Variants in RBFOX1 observed in about 807,000 individuals in gnomAD.
RBFOX1 encodes the protein RNA binding protein fox-1 homolog 1.
A neutral mutation model predicts 57.7 loss-of-function variants in RBFOX1; 8 were observed. The ratio of observed to expected loss-of-function variants is 0.14; its 90% CI spans 0.08 to 0.25. The LOEUF (loss-of-function observed/expected upper bound fraction) is 0.25, where lower values mean the gene tolerates loss of function less well. Among genes scored for constraint, RBFOX1 ranks in the 10% least tolerant of loss-of-function variants. The probability of loss-of-function intolerance (pLI) is 1.00; values close to 1 mark genes in which losing one functional copy is unlikely to be tolerated. For synonymous variants in RBFOX1, 326 were observed against 222.4 expected, an observed-to-expected ratio of 1.47 and a Z score of -4.15; for missense variants, 611 against 548.5, an observed-to-expected ratio of 1.11 and a Z score of -1.14.
chr16:7,249,585 C>T (rs1208445182), intron 4 of RBFOX1, among the ~76,000 whole-genome samples: 1 of 145,514 alleles, frequency 6.9e-6, no homozygotes, highest in Non-Finnish European at 1.5e-5. Flanking sequence ...TTTCCTTCTT[C>T]ATAGGCTTCT....
chr16:6,381,613 C>G (rs1239681092), intron 2 of RBFOX1, among the ~76,000 whole-genome samples: 1 of 152,188 alleles, frequency 6.6e-6, no homozygotes, highest in African/African-American at 2.4e-5. Flanking sequence ...TGGATGTCAA[C>G]TATCTTCTTG....
intron 1 of RBFOX1, among the ~76,000 whole-genome samples, chr16:6,194,065 T>C (rs2097164457): frequency 6.6e-6 from 1 of 152,196 alleles, no homozygotes; most frequent in South Asian, 2.1e-4. Context: ...TGTGTCTTCC[T>C]GGAACTCACA....
intron 4 of RBFOX1, among the ~76,000 whole-genome samples, chr16:7,186,838 A>G (rs974369372): frequency 2.0e-5 from 3 of 151,188 alleles, no homozygotes; most frequent in African/African-American, 4.9e-5. Context: ...GTTTTGAACA[A>G]TATTCTTTAT....
intron 1 of RBFOX1, among the ~76,000 whole-genome samples, chr16:5,338,583 T>A (rs995751236): frequency 1.3e-5 from 2 of 152,224 alleles, no homozygotes; most frequent in African/African-American, 4.8e-5. Flanking sequence ...ATACATTTAT[T>A]ATTAAGGAAA....
intron 1 of RBFOX1, among the ~76,000 whole-genome samples, chr16:5,246,171 GAC>G (rs958198337): frequency 2.6e-5 from 4 of 152,216 alleles, no homozygotes; most frequent in African/African-American, 9.6e-5. Flanking sequence ...GAACCTGGGA[GAC>G]AGAGGTTGCA....
At chr16:6,511,303 G>T (rs893360162) in intron 2 of RBFOX1, among the ~76,000 whole-genome samples, 1 of 152,150 alleles carries the variant, frequency 6.6e-6, no homozygotes, top group Non-Finnish European at 1.5e-5. Flanking sequence ...GTTCACTTTG[G>T]CTTGACACAT....
At chr16:7,277,512 C>A (rs566806239) in intron 4 of RBFOX1, among the ~76,000 whole-genome samples, 2 of 152,084 alleles carry the variant, frequency 1.3e-5, no homozygotes, top group African/African-American at 4.8e-5. Flanking sequence ...GTTAGTGTAG[C>A]TAGTGGTAAT....
chr16:6,984,847 G>A (rs1469177926), intron 3 of RBFOX1, among the ~76,000 whole-genome samples: 1 of 151,930 alleles, frequency 6.6e-6, no homozygotes, highest in East Asian at 1.9e-4. Flanking sequence ...CACCATATTG[G>A]TCAGGCTGGT....
intron 1 of RBFOX1, among the ~76,000 whole-genome samples, chr16:5,295,560 T>A (rs1024647385): frequency 6.6e-6 from 1 of 152,138 alleles, no homozygotes; most frequent in Non-Finnish European, 1.5e-5. Flanking sequence ...AGCATTCAGT[T>A]CCTTGCAGGC....
At chr16:7,664,772 C>T (rs1418688092) in intron 12 of RBFOX1, 157 bp from the exon 13 acceptor site, 15 of 1,335,266 alleles carry the variant, frequency 1.1e-5, no homozygotes, top group African/African-American at 2.9e-5. Context: ...GCTCAACTGC[C>T]GTTGTCTCCA....
chr16:5,822,989 G>A (rs929341329), intron 3 of RBFOX1, among the ~76,000 whole-genome samples: 2 of 152,234 alleles, frequency 1.3e-5, no homozygotes, highest in Non-Finnish European at 2.9e-5. Context: ...AGGGCACCAA[G>A]CTGTAGGAAC....
intron 4 of RBFOX1, among the ~76,000 whole-genome samples, chr16:7,189,255 C>G (rs1234872379): frequency 2.0e-5 from 3 of 151,688 alleles, no homozygotes; most frequent in Admixed American, 1.3e-4. Flanking sequence ...GAAACCCCAT[C>G]TCTACTAAAA....
At chr16:6,363,652 T>G (rs1036798066) in intron 2 of RBFOX1, among the ~76,000 whole-genome samples, 1 of 152,216 alleles carries the variant, frequency 6.6e-6, no homozygotes, top group Non-Finnish European at 1.5e-5. Flanking sequence ...TAAATACCAT[T>G]TTTTAAAGTT....
At chr16:5,339,661 T>C (rs991741848) in intron 1 of RBFOX1, among the ~76,000 whole-genome samples, 1 of 151,754 alleles carries the variant, frequency 6.6e-6, no homozygotes, top group Non-Finnish European at 1.5e-5. Context: ...GTATTTTTAG[T>C]AGAGATGGAG....
At chr16:7,273,103 C>A (rs538863756) in intron 4 of RBFOX1, among the ~76,000 whole-genome samples, 1 of 120,556 alleles carries the variant, frequency 8.3e-6, no homozygotes, top group African/African-American at 3.3e-5. Context: ...CCCTCCCTTT[C>A]CTCCTTCCCT....
intron 4 of RBFOX1, chr16:7,126,231 C>G (rs1054262683): frequency 5.0e-6 from 1 of 200,734 alleles, no homozygotes; most frequent in South Asian, 9.1e-5. Context: ...ATATTAAGTA[C>G]AATTTCCATT....
At chr16:7,504,767 ATATT>A (rs1477471592) in intron 4 of RBFOX1, among the ~76,000 whole-genome samples, 1 of 11,348 alleles carries the variant, frequency 8.8e-5, no homozygotes, top group East Asian at 8.5e-4. Flanking sequence ...ATATATATAT[ATATT>A]TATATATATA....
At chr16:5,648,395 G>A (rs545966132) in intron 3 of RBFOX1, among the ~76,000 whole-genome samples, 41 of 152,324 alleles carry the variant, frequency 2.7e-4, no homozygotes, top group Non-Finnish European at 1.6e-4. Flanking sequence ...CAGGTGTGGT[G>A]CACTCTGCCA....
chr16:7,071,685 A>G (rs1297987509), intron 4 of RBFOX1, among the ~76,000 whole-genome samples: 2 of 151,784 alleles, frequency 1.3e-5, no homozygotes, highest in African/African-American at 4.9e-5. Context: ...ATATTTTCCC[A>G]GTATTGAAAT....
Sources: gnomAD v4.1 joint callset for allele counts (sites outside exome capture counted in the v4.1 genomes callset) on GRCh38, gnomAD v4.1.1 for gene constraint, MANE v1.5 for transcripts, NCBI Gene and HGNC (gene_info 2026-07-23, HGNC 2026-07-21) for gene names.